The following PBX1 variants were observed in gnomAD, a reference collection of about 807,000 sequenced individuals.
The protein encoded by PBX1 is pre-B-cell leukemia transcription factor 1.
PBX1 carries 6 observed loss-of-function variants against 53.4 expected under a neutral mutation model. The observed-to-expected ratio is 0.11, with a 90% CI of 0.06 to 0.22. The LOEUF is 0.22. PBX1 is among the 10% of genes least tolerant of loss of function. The pLI, the probability that PBX1 is intolerant of heterozygous loss-of-function variation, is 1.00. For synonymous variants in PBX1, 204 were observed against 212.3 expected, an observed-to-expected ratio of 0.96 and a Z score of 0.34; for missense variants, 251 against 551.4, an observed-to-expected ratio of 0.46 and a Z score of 5.46.
intron 2 of PBX1, among the ~76,000 whole-genome samples, chr1:164,689,418 G>A (rs1230426538): frequency 6.6e-6 from 1 of 150,956 alleles, no homozygotes; most frequent in African/African-American, 2.4e-5. Context: ...CAGTTGATCT[G>A]TCCAAAGATA....
In PBX1 at chr1:164,846,730, G is replaced by A; in HGVS notation, c.*54G>A. 6.2e-7 allele frequency: 1 copy of A among 1,613,492 alleles called. No homozygotes were observed. Among genetic ancestry groups the A allele is most frequent in the East Asian group, 2.2e-5 (1 of 44,812 alleles). ...CTGTGCCCCAGTTGGGGCAGGGGCA[G>A]GAGGGAGGGTTTCTCTCCCAACGCT... On this transcript the variant is annotated 3_prime_UTR_variant, in exon 9 of 9. Transcript: ENST00000420696.
intron 2 of PBX1, among the ~76,000 whole-genome samples, chr1:164,766,984 T>C (rs1667091576): frequency 6.6e-6 from 1 of 151,008 alleles, no homozygotes; most frequent in African/African-American, 2.4e-5. Flanking sequence ...CGCCTCAGCC[T>C]CCCAAAGTGC....
chr1:164,610,273 A>T (rs1222571451), intron 2 of PBX1, among the ~76,000 whole-genome samples: 3 of 152,066 alleles, frequency 2.0e-5, no homozygotes, highest in Admixed American at 6.5e-5. Flanking sequence ...ACGGTGGTCC[A>T]TGAGCCCCTC....
At chr1:164,695,748 A>T (rs1191341399) in intron 2 of PBX1, among the ~76,000 whole-genome samples, 2 of 152,246 alleles carry the variant, frequency 1.3e-5, no homozygotes, top group Admixed American at 1.3e-4. Context: ...TGGTCCCAAC[A>T]TTCTTCAGAA....
At chr1:164,596,907 A>G (rs1465550853) in intron 2 of PBX1, among the ~76,000 whole-genome samples, 2 of 151,624 alleles carry the variant, frequency 1.3e-5, no homozygotes, top group Non-Finnish European at 2.9e-5. Flanking sequence ...GAGGAACTCC[A>G]GGGTCAGAGA....
downstream of PBX1, among the ~76,000 whole-genome samples, chr1:164,855,062 C>T (rs1427593522): frequency 2.6e-5 from 4 of 151,572 alleles, no homozygotes. Flanking sequence ...GATCCTCCCA[C>T]CTCAGCTACC....
rs71583414 is a variant in PBX1, at chr1:164,603,929, A to ATTTTTTTT, written c.265+40644_265+40651dup. Among the ~76,000 whole-genome samples the ATTTTTTTT allele has an allele frequency of 7.4e-3, 557 of 75,706 alleles. 129 individuals are homozygous for ATTTTTTTT. Among genetic ancestry groups the ATTTTTTTT allele is most frequent in the East Asian group, 8.8e-3 (14 of 1,582 alleles). The allele number at this position is 75,706 out of a possible 152,430, so 49.7% of individuals were successfully genotyped here. A position where few individuals can be genotyped will look rare whatever the true frequency, so the allele number is the denominator to read the frequency against. Reference sequence around the variant, plus strand: ...GACACTCTGTACATTATGTCATTTCATTTTTTTTTTTTTTTTTTTTTTTTT... The same window carrying ATTTTTTTT: ...GACACTCTGTACATTATGTCATTTCATTTTTTTTTTTTTTTTTTTTTTTTTTTTTTTTT... On this transcript the variant is annotated intron_variant, in intron 2 of 8. Transcript: ENST00000420696.
intron 2 of PBX1, among the ~76,000 whole-genome samples, chr1:164,738,854 TCA>T (rs1665436315): frequency 6.6e-6 from 1 of 152,212 alleles, no homozygotes; most frequent in African/African-American, 2.4e-5. Flanking sequence ...AGGTTACATG[TCA>T]CAGTTTCTCT....
intron 2 of PBX1, among the ~76,000 whole-genome samples, chr1:164,629,336 C>T (rs1658259223): frequency 6.6e-6 from 1 of 152,138 alleles, no homozygotes; most frequent in Non-Finnish European, 1.5e-5. Context: ...GAGGGCAGCT[C>T]ATCCTCTGCA....
chr1:164,635,390 C>A (rs921331045), intron 2 of PBX1, among the ~76,000 whole-genome samples: 2 of 152,162 alleles, frequency 1.3e-5, no homozygotes, highest in South Asian at 4.1e-4. Flanking sequence ...CAGTAAGAGG[C>A]CTTTCTCAGT....
intron 2 of PBX1, among the ~76,000 whole-genome samples, chr1:164,691,960 G>T (rs1195146250): frequency 1.3e-5 from 2 of 152,110 alleles, no homozygotes; most frequent in African/African-American, 4.8e-5. Context: ...TACCTTTAGG[G>T]TCTGTGTGTA....
chr1:164,566,164 C>T (rs1351171196), intron 2 of PBX1, among the ~76,000 whole-genome samples: 1 of 152,110 alleles, frequency 6.6e-6, no homozygotes, highest in Non-Finnish European at 1.5e-5. Flanking sequence ...TACATACACA[C>T]ATGCACGTAA....
At chr1:164,588,577 A>G (rs1409216933) in intron 2 of PBX1, among the ~76,000 whole-genome samples, 2 of 149,974 alleles carry the variant, frequency 1.3e-5, no homozygotes, top group African/African-American at 4.9e-5. Flanking sequence ...CCAGAAAGCA[A>G]TGAGTTTCAT....
At position 164,838,193 on chromosome 1, in the gene PBX1, A is replaced by G. The variant is rs544218806; in HGVS notation, c.1201-8391A>G. ...AAAATTCAAGGTAGTAACTTCTAAC[A>G]AGAGAGTTTGTTTTCATACCGTGTG... On this transcript the variant is annotated intron_variant, in intron 8 of 8. Transcript: ENST00000420696. 1.6e-4 allele frequency among the ~76,000 whole-genome samples: 25 copies of G among 152,320 alleles called. 1 individual carries two copies. The South Asian group carries it at 3.3e-3, about 20-fold the overall frequency.
intron 2 of PBX1, among the ~76,000 whole-genome samples, chr1:164,675,212 C>T (rs1256962926): frequency 1.3e-5 from 2 of 152,032 alleles, no homozygotes; most frequent in Non-Finnish European, 2.9e-5. Context: ...AGTATAAAAC[C>T]ATTTCATTCA....
chr1:164,627,087 C>A (rs1658095991), intron 2 of PBX1, among the ~76,000 whole-genome samples: 1 of 152,202 alleles, frequency 6.6e-6, no homozygotes, highest in Non-Finnish European at 1.5e-5. Context: ...AATTGGGCAT[C>A]TTAAATCTTG....
chr1:164,775,556 G>T (rs979388), intron 2 of PBX1, among the ~76,000 whole-genome samples: 10,146 of 152,156 alleles, frequency 0.067, 636 homozygotes, highest in African/African-American at 0.17. Flanking sequence ...CTGGTGTGGA[G>T]CTTGTGGCTT....
intron 2 of PBX1, among the ~76,000 whole-genome samples, chr1:164,675,448 G>T (rs1460185061): frequency 6.6e-6 from 1 of 152,030 alleles, no homozygotes; most frequent in Non-Finnish European, 1.5e-5. Context: ...TGTCTTCCTA[G>T]CTCCTCTCTG....
intron 2 of PBX1, among the ~76,000 whole-genome samples, chr1:164,699,836 G>A (rs773710207): frequency 2.6e-4 from 40 of 152,112 alleles, no homozygotes; most frequent in Admixed American, 2.6e-4. Context: ...TGATGCTGTC[G>A]TCCCTGGCGT....
Sources: gnomAD v4.1 joint callset for allele counts (sites outside exome capture counted in the v4.1 genomes callset) on GRCh38, gnomAD v4.1.1 for gene constraint, MANE v1.5 for transcripts, NCBI Gene and HGNC (gene_info 2026-07-23, HGNC 2026-07-21) for gene names.